The following PCDHA5 variants were observed in gnomAD, a reference collection of about 807,000 sequenced individuals.
PCDHA5 encodes protocadherin alpha 5.
Under a neutral mutation model 61.6 loss-of-function variants are expected in PCDHA5, and 43 were observed. The ratio of observed to expected loss-of-function variants is 0.70; its 90% CI spans 0.55 to 0.90. The LOEUF (loss-of-function observed/expected upper bound fraction) is 0.90, where lower values mean the gene tolerates loss of function less well. Among genes scored for constraint, PCDHA5 ranks in the 40% least tolerant of loss-of-function variants. PCDHA5 has a pLI of 0.00. For missense variants in PCDHA5, 1,298 were observed against 1,222.7 expected (o/e 1.06, Z -0.92); for synonymous variants, 627 against 543.9 (o/e 1.15, Z -2.13).
chr5:140,886,043 T>C (rs977275136), intron 1 of PCDHA5, among the ~76,000 whole-genome samples: 3 of 152,168 alleles, frequency 2.0e-5, no homozygotes, highest in Admixed American at 6.5e-5. Context: ...TTTTCCCCAA[T>C]AGTAACATCT....
In PCDHA5 at chr5:140,823,974, G is replaced by A; in HGVS notation, c.2199G>A (p.Arg733=). ...AGCCCACCGAGGCCGTGTGCACACG[G>A]GGCAAGCCCACTCTGTTGTGCTCCA... ...SAQPTEAVCT[R]GKPTLLCSSA... Residue 733 remains arginine, a synonymous_variant, in exon 1 of 4, where the codon CGG becomes CGA. Transcript: ENST00000529859. 1 of 1,614,122 alleles carries A rather than the reference G, an allele frequency of 6.2e-7. No individual in the cohort carries two copies. The highest frequency in any genetic ancestry group is 1.3e-5 in the African/African-American group (1 of 75,052).
At chr5:140,842,722 C>T (rs1554139310) in intron 1 of PCDHA5, 2 of 1,595,034 alleles carry the variant, frequency 1.3e-6, no homozygotes, top group Non-Finnish European at 1.7e-6. Flanking sequence ...TGAAGGAGAA[C>T]AACCCGCCGG....
chr5:140,841,175 A>G (rs1265444070), intron 1 of PCDHA5: 19 of 1,071,444 alleles, frequency 1.8e-5, no homozygotes, highest in African/African-American at 3.2e-5. Flanking sequence ...CTGGTTGGTC[A>G]ATGTTCAAAG....
intron 1 of PCDHA5, among the ~76,000 whole-genome samples, chr5:140,894,606 T>C (rs1305424119): frequency 6.6e-6 from 1 of 152,022 alleles, no homozygotes; most frequent in Non-Finnish European, 1.5e-5. Context: ...CTCATCTCTC[T>C]TTTCAAAGCT....
chr5:140,868,952 C>A, intron 1 of PCDHA5: 7 of 1,342,044 alleles, frequency 5.2e-6, no homozygotes, highest in Non-Finnish European at 7.0e-6. Context: ...CAGTGAGGCA[C>A]TCCCATACAA....
intron 1 of PCDHA5, chr5:140,884,217 T>C (rs782181432): frequency 6.2e-7 from 1 of 1,613,448 alleles, no homozygotes; most frequent in East Asian, 2.2e-5. Flanking sequence ...CTTCTGGTGC[T>C]GGTGAAGGAC....
In PCDHA5 at chr5:140,875,509, C is replaced by A. The variant is rs1554167713; in HGVS notation, c.2352+51382C>A. On this transcript the variant is annotated intron_variant, in intron 1 of 3. Coordinates refer to ENST00000529859, the MANE Select transcript of PCDHA5 (RefSeq NM_018908.3). The stretch of plus-strand genomic sequence containing the variant: ...CGGACCAAGAGGCCCGGGATCCCAG[C>A]GTCTGCTGCTCTCGCTTCTGCTCCT... 3.7e-6 allele frequency: 6 copies of A among 1,613,576 alleles called. No individual in the cohort carries two copies. The Admixed American group carries it at 6.7e-5, about 18-fold the overall frequency.
intron 1 of PCDHA5, among the ~76,000 whole-genome samples, chr5:140,945,375 C>T (rs1414758644): frequency 1.3e-4 from 20 of 152,006 alleles, no homozygotes; most frequent in African/African-American, 3.9e-4. Context: ...GTCCATATTA[C>T]CCAAAGCAAT....
intron 1 of PCDHA5, among the ~76,000 whole-genome samples, chr5:140,833,040 A>T (rs1043958176): frequency 3.9e-5 from 6 of 152,216 alleles, no homozygotes; most frequent in Non-Finnish European, 8.8e-5. Context: ...TGTGATATAA[A>T]GCAAGAAAAG....
intron 1 of PCDHA5, among the ~76,000 whole-genome samples, chr5:140,907,290 G>T (rs1554192922): frequency 1.3e-5 from 2 of 152,200 alleles, no homozygotes; most frequent in East Asian, 3.8e-4. Context: ...CAATCCAGCT[G>T]CTTCAGGATG....
rs151084513 is a variant in PCDHA5, at chr5:140,927,608, G to T, written c.2353-51341G>T. The T allele has an allele frequency of 1.2e-6, 2 of 1,614,168 alleles. No individual in the cohort carries two copies. The highest frequency in any genetic ancestry group is 3.3e-4 in the Middle Eastern group (2 of 6,062). Reference sequence around the variant, plus strand: ...CCTGTATTTGAGCGCTCCGTATACCGCACCAAGGTTCCAGAGACTGCACCC... The same window carrying T: ...CCTGTATTTGAGCGCTCCGTATACCTCACCAAGGTTCCAGAGACTGCACCC... On this transcript the variant is annotated intron_variant, in intron 1 of 3. Coordinates refer to ENST00000529859, the MANE Select transcript of PCDHA5 (RefSeq NM_018908.3).
intron 1 of PCDHA5, among the ~76,000 whole-genome samples, chr5:140,908,732 A>G (rs909800763): frequency 6.6e-6 from 1 of 152,200 alleles, no homozygotes; most frequent in African/African-American, 2.4e-5. Flanking sequence ...ATATGGCTCG[A>G]GAAACAGAGC....
At position 140,856,588 on chromosome 5, in the gene PCDHA5, T is replaced by C. The variant is rs201362862; in HGVS notation, c.2352+32461T>C. The C allele has an allele frequency of 5.2e-5, 83 of 1,597,798 alleles. 1 individual carries two copies. In the East Asian group the frequency reaches 1.3e-3, roughly 25 times the overall value. ...GTCCAAATGAGTATTTTGTTCTTGA[T>C]ATTATAAACAAAAAAGACAAAGACA... On this transcript the variant is annotated intron_variant, in intron 1 of 3. Coordinates refer to ENST00000529859, the MANE Select transcript of PCDHA5 (RefSeq NM_018908.3).
chr5:141,007,349 G>C (rs532404832), intron 3 of PCDHA5, among the ~76,000 whole-genome samples: 204 of 144,744 alleles, frequency 1.4e-3, no homozygotes, highest in Middle Eastern at 0.011. Flanking sequence ...TCAGGAGTTC[G>C]AGACCAGCCT....
chr5:140,829,181 C>A, intron 1 of PCDHA5: 1 of 1,614,148 alleles, frequency 6.2e-7, no homozygotes. Flanking sequence ...TGAAGACGCT[C>A]AATTTGGTAC....
intron 3 of PCDHA5, among the ~76,000 whole-genome samples, chr5:141,007,395 C>CAAAAAAAAAAAAAAAAAA (rs35800918): frequency 1.1e-5 from 1 of 94,866 alleles, no homozygotes; most frequent in African/African-American, 4.3e-5. Context: ...TACTAAAATA[C>CAAAAAAAAAAAAAAAAAA]AAAAAAAAAA....
rs2150130685 is a variant in PCDHA5 at position 140,823,952 on chromosome 5, C to T, written c.2177C>T (p.Pro726Leu). 1 of 1,613,960 alleles carries T rather than the reference C, an allele frequency of 6.2e-7. No homozygotes were observed. The highest frequency in any genetic ancestry group is 1.3e-5 in the African/African-American group (1 of 75,046). Residue 726 changes from proline (P) to leucine (L), a missense_variant, in exon 1 of 4, where the codon CCC becomes CTC. Coordinates refer to ENST00000529859, the MANE Select transcript of PCDHA5 (RefSeq NM_018908.3). ...LYTALRCSAQPTEAVCTRGKP... is the reference protein window; with the variant it reads ...LYTALRCSAQLTEAVCTRGKP... ...ACCGCGCTGCGGTGCTCGGCGCAGC[C>T]CACCGAGGCCGTGTGCACACGGGGC...
chr5:140,875,452 C>G (rs370742022), intron 1 of PCDHA5: 1 of 1,592,452 alleles, frequency 6.3e-7, no homozygotes, highest in Non-Finnish European at 8.6e-7. Flanking sequence ...TGTCCCAACT[C>G]AGAGGCCCTC....
chr5:140,963,207 CCT>C (rs1246984290), intron 1 of PCDHA5, among the ~76,000 whole-genome samples: 4 of 148,438 alleles, frequency 2.7e-5, no homozygotes, highest in East Asian at 1.9e-4. Flanking sequence ...AAAAAAAAAA[CCT>C]CGTGTTTAGA....
Sources: allele counts gnomAD v4.1 joint callset (sites outside exome capture counted in the v4.1 genomes callset), GRCh38; gene constraint gnomAD v4.1.1; transcripts MANE v1.5; gene names NCBI Gene and HGNC (gene_info 2026-07-23, HGNC 2026-07-21).